Variants in DNAH7 observed in about 807,000 individuals in gnomAD.
DNAH7 encodes the protein dynein axonemal heavy chain 7.
In DNAH7, 397 loss-of-function variants were observed where a neutral mutation model predicts 444.6. That is an observed-to-expected ratio of 0.89 (90% confidence interval 0.82 to 0.97). The LOEUF is 0.97. Ranked by LOEUF, DNAH7 falls within the 50% of genes least tolerant of loss-of-function variation. The pLI is 0.00. For synonymous variants in DNAH7, 1,636 were observed against 1,624.4 expected (o/e 1.01, Z -0.17); for missense variants, 4,902 against 4,800.8 (o/e 1.02, Z -0.62).
At chr2:195,824,906 T>C (rs1284022819) in intron 48 of DNAH7, 1 of 152,854 alleles carries the variant, frequency 6.5e-6, no homozygotes, top group African/African-American at 2.4e-5. Context: ...TGCTCCTAAT[T>C]AGATTTGCTT....
chr2:195,745,657 T>C (rs1447439428), intron 63 of DNAH7, among the ~76,000 whole-genome samples: 1 of 152,254 alleles, frequency 6.6e-6, no homozygotes, highest in Non-Finnish European at 1.5e-5. Flanking sequence ...AGCAGATCTC[T>C]GGGCAGAAAC....
chr2:195,874,221 G>A (rs999215050), intron 38 of DNAH7, among the ~76,000 whole-genome samples: 1 of 152,052 alleles, frequency 6.6e-6, no homozygotes, highest in African/African-American at 2.4e-5. Flanking sequence ...TGACTTCACT[G>A]GCTGCTTGCA....
At chr2:196,009,333 A>G (rs577388253) in intron 10 of DNAH7, among the ~76,000 whole-genome samples, 3 of 152,220 alleles carry the variant, frequency 2.0e-5, no homozygotes, top group Non-Finnish European at 2.9e-5. Flanking sequence ...TAAAGTAGTG[A>G]ATTTTATGGT....
intron 19 of DNAH7, among the ~76,000 whole-genome samples, chr2:195,941,084 G>A (rs1367565376): frequency 1.3e-5 from 2 of 152,094 alleles, no homozygotes; most frequent in African/African-American, 4.8e-5. Flanking sequence ...TATGTTTATT[G>A]CGGTACTATT....
intron 38 of DNAH7, 57 bp downstream of exon 38, chr2:195,875,618 T>G: frequency 6.7e-7 from 1 of 1,481,550 alleles, no homozygotes; most frequent in Non-Finnish European, 9.1e-7. Flanking sequence ...AGTTATTTCT[T>G]TAGCTATTGC....
chr2:195,866,382 G>GT, intron 40 of DNAH7, among the ~76,000 whole-genome samples: 1 of 151,626 alleles, frequency 6.6e-6, no homozygotes, highest in East Asian at 1.9e-4. Context: ...ATAAGCAAAT[G>GT]GTATTATTTA....
chr2:195,752,567 T>C (rs2105904826), intron 63 of DNAH7, among the ~76,000 whole-genome samples: 1 of 152,128 alleles, frequency 6.6e-6, no homozygotes, highest in South Asian at 2.1e-4. Flanking sequence ...AAGAATAAGG[T>C]CGGTCACTTG....
chr2:195,897,899 T>G (rs991284581), intron 28 of DNAH7, 134 bp from the exon 29 acceptor site: 1 of 477,230 alleles, frequency 2.1e-6, no homozygotes, highest in African/African-American at 2.0e-5. Context: ...TTTCTTTATA[T>G]TGGATTGTTA....
chr2:196,068,792 C>A lies in DNAH7; in HGVS notation c.-81G>T. 1 of 1,521,216 alleles carries A rather than the reference C, an allele frequency of 6.6e-7. No individual in the cohort carries two copies. Among genetic ancestry groups the A allele is most frequent in the Non-Finnish European group, 8.9e-7 (1 of 1,126,614 alleles). 94.2% of individuals were successfully genotyped at this position (1,521,216 alleles called of 1,614,324 possible). The stretch of plus-strand genomic sequence containing the variant: ...ACCCCTAGGACGATAGAGGCAGGGC[C>A]CCGGGACTTGCAGCGGTCTCAGCTC... On this transcript the variant is annotated 5_prime_UTR_variant, in exon 1 of 65. Coordinates refer to ENST00000312428, the MANE Select transcript of DNAH7 (RefSeq NM_018897.3).
chr2:196,034,456 A>C (rs565277726), intron 5 of DNAH7, among the ~76,000 whole-genome samples: 8 of 152,200 alleles, frequency 5.3e-5, no homozygotes, highest in Non-Finnish European at 8.8e-5. Context: ...AATTCTCCAA[A>C]AATTCATTCA....
At chr2:195,890,165 C>G (rs341942) in intron 31 of DNAH7, among the ~76,000 whole-genome samples, 1 of 152,048 alleles carries the variant, frequency 6.6e-6, no homozygotes, top group Non-Finnish European at 1.5e-5. Flanking sequence ...TATAAGATAA[C>G]GGGTCTGTCT....
intron 61 of DNAH7, among the ~76,000 whole-genome samples, chr2:195,758,834 G>C (rs916327118): frequency 1.3e-5 from 2 of 152,216 alleles, no homozygotes; most frequent in Non-Finnish European, 2.9e-5. Context: ...TGTGAAAGAA[G>C]CATTTAGACC....
chr2:195,913,688 C>T (rs1687493941), intron 24 of DNAH7, among the ~76,000 whole-genome samples: 1 of 150,994 alleles, frequency 6.6e-6, no homozygotes, highest in Non-Finnish European at 1.5e-5. Context: ...TATAAGATCT[C>T]CATCCACATG....
chr2:195,887,191 T>C (rs934149455), intron 33 of DNAH7, among the ~76,000 whole-genome samples: 28 of 148,728 alleles, frequency 1.9e-4, no homozygotes, highest in South Asian at 8.3e-4. Flanking sequence ...TGCTTTCCTA[T>C]AGAAAGGATG....
At chr2:195,853,740 A>C (rs1574571548) in intron 45 of DNAH7, among the ~76,000 whole-genome samples, 1 of 152,164 alleles carries the variant, frequency 6.6e-6, no homozygotes, top group Non-Finnish European at 1.5e-5. Context: ...TAATGAATGA[A>C]TATTTACCAT....
rs146475903 is a variant in DNAH7, at chr2:195,844,882, CTAAT to C, written c.8945+116_8945+119del. 3,330 of 791,914 alleles carry C rather than the reference CTAAT, an allele frequency of 4.2e-3. 90 individuals are homozygous for C. In the African/African-American group the frequency reaches 0.051, roughly 12 times the overall value. 49.1% of individuals were successfully genotyped at this position (791,914 alleles called of 1,614,324 possible). A position where few individuals can be genotyped will look rare whatever the true frequency, so the allele number is the denominator to read the frequency against. On this transcript the variant is annotated intron_variant, in intron 47 of 64. Transcript: ENST00000312428. ...AAGTGATTACTCATACTTAATTTCA[CTAAT>C]TAGTTAAGTAATTTTTTAATACTGT...
chr2:195,780,866 T>A (rs1695339452), intron 58 of DNAH7, among the ~76,000 whole-genome samples: 1 of 152,116 alleles, frequency 6.6e-6, no homozygotes, highest in Non-Finnish European at 1.5e-5. Flanking sequence ...AGTAACCTAC[T>A]AAAATCTAAA....
chr2:196,032,420 C>G (rs1447766359), intron 5 of DNAH7, among the ~76,000 whole-genome samples: 1 of 152,134 alleles, frequency 6.6e-6, no homozygotes, highest in Non-Finnish European at 1.5e-5. Flanking sequence ...TGGGAGACCA[C>G]TAGAAAAGGC....
intron 1 of DNAH7, among the ~76,000 whole-genome samples, chr2:196,061,320 A>C (rs1367746664): frequency 2.0e-5 from 3 of 152,074 alleles, no homozygotes; most frequent in Non-Finnish European, 2.9e-5. Context: ...GGAATCTCCC[A>C]AATTTATCTC....
Sources: gnomAD v4.1 joint callset for allele counts (sites outside exome capture counted in the v4.1 genomes callset) on GRCh38, gnomAD v4.1.1 for gene constraint, MANE v1.5 for transcripts, NCBI Gene and HGNC (gene_info 2026-07-23, HGNC 2026-07-21) for gene names.